SYT1: variants seen among roughly 807,000 people sequenced by gnomAD.
SYT1 encodes synaptotagmin 1, also known as synaptotagmin-1.
SYT1 carries 8 observed loss-of-function variants against 44.8 expected under a neutral mutation model. The ratio of observed to expected loss-of-function variants is 0.18; its 90% CI spans 0.10 to 0.32. The LOEUF is 0.32. SYT1 is among the 10% of genes least tolerant of loss of function. The pLI, the probability that SYT1 is intolerant of heterozygous loss-of-function variation, is 1.00. For missense variants in SYT1, 286 were observed against 509.3 expected (o/e 0.56, Z 4.22); for synonymous variants, 154 against 188.8 (o/e 0.82, Z 1.51).
At chr12:79,428,493 C>A (rs1869579700) in intron 9 of SYT1, among the ~76,000 whole-genome samples, 1 of 152,158 alleles carries the variant, frequency 6.6e-6, no homozygotes, top group African/African-American at 2.4e-5. Context: ...CAGATGCATA[C>A]CCCATGTCTG....
intron 2 of SYT1, among the ~76,000 whole-genome samples, chr12:79,040,117 T>C (rs1873440248): frequency 6.6e-6 from 1 of 152,198 alleles, no homozygotes; most frequent in South Asian, 2.1e-4. Context: ...GCATGCTTTA[T>C]AGTCCTTTGG....
intron 1 of SYT1, among the ~76,000 whole-genome samples, chr12:78,932,056 C>A (rs1045130098): frequency 6.6e-6 from 1 of 152,206 alleles, no homozygotes; most frequent in Non-Finnish European, 1.5e-5. Flanking sequence ...CTTTCCTCTG[C>A]CACAAGGTGT....
intron 4 of SYT1, among the ~76,000 whole-genome samples, chr12:79,275,372 G>A (rs1805556015): frequency 6.6e-6 from 1 of 152,132 alleles, no homozygotes; most frequent in Non-Finnish European, 1.5e-5. Flanking sequence ...CTCAGTGAGA[G>A]TGCACCTGTA....
At chr12:79,308,537 A>G (rs1406416992) in intron 8 of SYT1, among the ~76,000 whole-genome samples, 2 of 136,614 alleles carry the variant, frequency 1.5e-5, no homozygotes, top group Admixed American at 7.2e-5. Context: ...AGAAATAAAG[A>G]AAGAAAGAAA....
At position 79,310,502 on chromosome 12, in the gene SYT1, T is replaced by A. The variant is rs1880721287; in HGVS notation, c.810+10951T>A. 2.6e-5 allele frequency among the ~76,000 whole-genome samples: 4 copies of A among 152,228 alleles called. No homozygotes were observed. The South Asian group carries it at 8.3e-4, about 32-fold the overall frequency. ...TTAGGATTGACTTGGCAATGCAGGC[T>A]CTTTTGGTTCCATATGAACTTTAAA... On this transcript the variant is annotated intron_variant, in intron 8 of 10. Transcript: ENST00000261205.
At chr12:79,266,138 A>G (rs1253725093) in intron 4 of SYT1, among the ~76,000 whole-genome samples, 2 of 152,230 alleles carry the variant, frequency 1.3e-5, no homozygotes, top group East Asian at 1.9e-4. Context: ...TATTTATTCA[A>G]TAAACATTTT....
intron 3 of SYT1, among the ~76,000 whole-genome samples, chr12:79,196,739 T>C (rs1873486627): frequency 1.3e-5 from 2 of 152,190 alleles, no homozygotes; most frequent in African/African-American, 2.4e-5. Context: ...ATGACATGCA[T>C]TGTACACACA....
intron 4 of SYT1, among the ~76,000 whole-genome samples, chr12:79,276,961 G>A (rs1592923123): frequency 6.7e-6 from 1 of 148,414 alleles, no homozygotes; most frequent in Non-Finnish European, 1.5e-5. Flanking sequence ...AGAAGGAGGA[G>A]GAGGAGGAGG....
chr12:79,332,663 T>C (rs1233777247), intron 8 of SYT1, among the ~76,000 whole-genome samples: 1 of 152,236 alleles, frequency 6.6e-6, no homozygotes, highest in African/African-American at 2.4e-5. Context: ...AATGTAGATA[T>C]TGTGGGAGGT....
intron 3 of SYT1, among the ~76,000 whole-genome samples, chr12:79,088,767 TG>T (rs1877568106): frequency 6.6e-6 from 1 of 150,946 alleles, no homozygotes; most frequent in African/African-American, 2.4e-5. Flanking sequence ...TGTGTGTGTG[TG>T]TGTGTGTGTG....
intron 3 of SYT1, among the ~76,000 whole-genome samples, chr12:79,101,129 T>G (rs1023851126): frequency 6.6e-6 from 1 of 152,178 alleles, no homozygotes; most frequent in Non-Finnish European, 1.5e-5. Flanking sequence ...CCTTAAAATG[T>G]AAGGTAAGAA....
chr12:79,385,605 C>T (rs1242284977), intron 9 of SYT1, among the ~76,000 whole-genome samples: 1 of 152,076 alleles, frequency 6.6e-6, no homozygotes, highest in Middle Eastern at 3.2e-3. Context: ...ATCAGAGCCA[C>T]ATTATATACT....
At chr12:79,098,998 T>C (rs1878301222) in intron 3 of SYT1, among the ~76,000 whole-genome samples, 1 of 152,036 alleles carries the variant, frequency 6.6e-6, no homozygotes, top group South Asian at 2.1e-4. Context: ...TTCCAAAAAA[T>C]GCAGCCAATG....
chr12:79,245,346 G>C (rs954716997), intron 4 of SYT1, among the ~76,000 whole-genome samples: 25 of 149,702 alleles, frequency 1.7e-4, no homozygotes, highest in Non-Finnish European at 3.7e-4. Context: ...ATGTTAGCGG[G>C]CGCCTGTAGT....
chr12:79,281,743 T>C (rs528514149), intron 4 of SYT1, among the ~76,000 whole-genome samples: 1 of 152,354 alleles, frequency 6.6e-6, no homozygotes, highest in Admixed American at 6.5e-5. Context: ...GTTACCTATA[T>C]ACAGCATATA....
intron 3 of SYT1, among the ~76,000 whole-genome samples, chr12:79,194,045 C>CT (rs1429912929): frequency 9.2e-5 from 14 of 152,138 alleles, no homozygotes; most frequent in Non-Finnish European, 1.8e-4. Flanking sequence ...AGCACTGCAA[C>CT]TCGTATAAAA....
At chr12:79,069,971 A>G (rs948803189) in intron 3 of SYT1, among the ~76,000 whole-genome samples, 1 of 152,152 alleles carries the variant, frequency 6.6e-6, no homozygotes, top group African/African-American at 2.4e-5. Context: ...TATAACCTTG[A>G]ACATAATGCT....
chr12:79,284,035 C>G (rs560261680), intron 4 of SYT1, among the ~76,000 whole-genome samples: 114 of 151,852 alleles, frequency 7.5e-4, no homozygotes, highest in African/African-American at 2.6e-3. Flanking sequence ...GACTGGTGTT[C>G]AGCAATCATT....
At chr12:79,424,614 G>A (rs1869323204) in intron 9 of SYT1, among the ~76,000 whole-genome samples, 1 of 152,050 alleles carries the variant, frequency 6.6e-6, no homozygotes. Context: ...GCTTTTTGAG[G>A]CTTTTTAAGG....
Sources: gnomAD v4.1 joint callset for allele counts (sites outside exome capture counted in the v4.1 genomes callset) on GRCh38, gnomAD v4.1.1 for gene constraint, MANE v1.5 for transcripts, NCBI Gene and HGNC (gene_info 2026-07-23, HGNC 2026-07-21) for gene names.